Variants in PDE4D observed in about 807,000 individuals in gnomAD.
PDE4D encodes phosphodiesterase 4D.
A neutral mutation model predicts 87.4 loss-of-function variants in PDE4D; 24 were observed. The observed-to-expected ratio is 0.27, with a 90% CI of 0.20 to 0.39. The LOEUF (loss-of-function observed/expected upper bound fraction) is 0.39, where lower values mean the gene tolerates loss of function less well. Among genes scored for constraint, PDE4D ranks in the 10% least tolerant of loss-of-function variants. PDE4D has a pLI of 1.00. For synonymous variants in PDE4D, 384 were observed against 383.2 expected (o/e 1.00, Z -0.02); for missense variants, 714 against 1,041.0 (o/e 0.69, Z 4.32).
chr5:59,437,896 G>C (rs1391013894), intron 1 of PDE4D, among the ~76,000 whole-genome samples: 1 of 152,176 alleles, frequency 6.6e-6, no homozygotes, highest in Non-Finnish European at 1.5e-5. Flanking sequence ...TTGACTCACA[G>C]TTTTGCATGG....
At chr5:59,804,885 A>G (rs1767570079) in intron 1 of PDE4D, among the ~76,000 whole-genome samples, 1 of 152,082 alleles carries the variant, frequency 6.6e-6, no homozygotes. Context: ...TCTGCCTCCC[A>G]GGTTCAAGCG....
At chr5:59,819,890 T>G (rs1193340333) in intron 1 of PDE4D, among the ~76,000 whole-genome samples, 3 of 152,154 alleles carry the variant, frequency 2.0e-5, no homozygotes, top group Admixed American at 2.0e-4. Flanking sequence ...TGAGGCAATT[T>G]CCCTAGAGAC....
In PDE4D at chr5:59,428,338, C is replaced by T. The variant is rs567941665; in HGVS notation, c.456-212370G>A. 9.2e-5 allele frequency among the ~76,000 whole-genome samples: 14 copies of T among 151,708 alleles called. No individual in the cohort carries two copies. The East Asian group carries it at 2.5e-3, about 27-fold the overall frequency. On this transcript the variant is annotated intron_variant, in intron 1 of 14. Transcript: ENST00000340635. ...TTTTTTTATCTTTTATTTTTTGTCC[C>T]GCAATCTCTGCTTCTTTGGGTAGGC... is the stretch of plus-strand genomic sequence containing the variant.
chr5:59,875,460 CAAAAA>C (rs3062667), intron 1 of PDE4D, among the ~76,000 whole-genome samples: 1,662 of 39,402 alleles, frequency 0.042, 2 homozygotes, highest in African/African-American at 0.082. Flanking sequence ...ACCTCCGTCT[CAAAAA>C]AAAAAAAAAA....
intron 1 of PDE4D, among the ~76,000 whole-genome samples, chr5:59,387,997 T>C (rs1440588711): frequency 1.3e-5 from 2 of 152,100 alleles, no homozygotes; most frequent in Non-Finnish European, 2.9e-5. Context: ...TCTGTTTCTA[T>C]GAGTTTGACA....
intron 1 of PDE4D, among the ~76,000 whole-genome samples, chr5:59,308,603 G>T (rs1771898487): frequency 6.6e-6 from 1 of 151,306 alleles, no homozygotes; most frequent in Non-Finnish European, 1.5e-5. Context: ...GAAATCTGCT[G>T]TTAATCTCAC....
intron 5 of PDE4D, among the ~76,000 whole-genome samples, chr5:59,143,449 A>T (rs547344760): frequency 1.3e-5 from 2 of 152,328 alleles, no homozygotes; most frequent in South Asian, 4.1e-4. Context: ...TTGTGGAGTC[A>T]GCCTGACCCA....
intron 1 of PDE4D, among the ~76,000 whole-genome samples, chr5:59,754,761 A>G (rs892782458): frequency 6.7e-6 from 1 of 149,174 alleles, no homozygotes; most frequent in Admixed American, 6.7e-5. Flanking sequence ...AAAACTTGGA[A>G]TCTACCATTG....
At chr5:59,307,929 C>T (rs1360443672) in intron 1 of PDE4D, among the ~76,000 whole-genome samples, 6 of 152,164 alleles carry the variant, frequency 3.9e-5, no homozygotes, top group South Asian at 2.1e-4. Context: ...TATTGCGGCA[C>T]TATTCACAAT....
At chr5:60,107,456 T>G (rs1582691116) in intron 2 of PDE4D, among the ~76,000 whole-genome samples, 1 of 152,210 alleles carries the variant, frequency 6.6e-6, no homozygotes, top group East Asian at 1.9e-4. Context: ...CCATTCCTTC[T>G]GAAACTATTC....
chr5:59,247,294 T>C (rs959118313), intron 1 of PDE4D, among the ~76,000 whole-genome samples: 89 of 152,238 alleles, frequency 5.8e-4, no homozygotes, highest in African/African-American at 2.0e-3. Flanking sequence ...GAAAGACACA[T>C]AGTAAAGTGC....
At chr5:60,442,897 T>G (rs1278982000) in intron 1 of PDE4D, among the ~76,000 whole-genome samples, 1 of 152,136 alleles carries the variant, frequency 6.6e-6, no homozygotes, top group Non-Finnish European at 1.5e-5. Flanking sequence ...GTGGGGCAGA[T>G]GGTAGAGCTT....
At chr5:60,106,570 A>G (rs1410412093) in intron 2 of PDE4D, among the ~76,000 whole-genome samples, 2 of 151,884 alleles carry the variant, frequency 1.3e-5, no homozygotes, top group Admixed American at 1.3e-4. Context: ...TTTCAGCACC[A>G]CACCACACCT....
chr5:60,398,496 T>C (rs1234658151), intron 1 of PDE4D, among the ~76,000 whole-genome samples: 2 of 152,152 alleles, frequency 1.3e-5, no homozygotes, highest in Non-Finnish European at 2.9e-5. Flanking sequence ...GACTAATCCT[T>C]GTCTGAGTTC....
intron 1 of PDE4D, among the ~76,000 whole-genome samples, chr5:59,732,851 GAAT>G (rs1757565174): frequency 6.6e-6 from 1 of 151,976 alleles, no homozygotes; most frequent in Admixed American, 6.6e-5. Flanking sequence ...AGTAAGTTGT[GAAT>G]AATAACCCCA....
intron 1 of PDE4D, among the ~76,000 whole-genome samples, chr5:60,403,073 G>A (rs1181759601): frequency 2.0e-5 from 3 of 152,044 alleles, no homozygotes; most frequent in Non-Finnish European, 2.9e-5. Flanking sequence ...TGAGGTCAAG[G>A]CCCAGGAAAG....
At chr5:59,219,876 G>A (rs1371074673) in intron 1 of PDE4D, among the ~76,000 whole-genome samples, 1 of 152,130 alleles carries the variant, frequency 6.6e-6, no homozygotes, top group African/African-American at 2.4e-5. Flanking sequence ...TGGGGTTGGG[G>A]GTGGAGGCCA....
intron 1 of PDE4D, among the ~76,000 whole-genome samples, chr5:59,817,287 G>A (rs748381200): frequency 6.6e-6 from 1 of 152,160 alleles, no homozygotes; most frequent in African/African-American, 2.4e-5. Context: ...AGGGAGCTCT[G>A]TATTTTTTAT....
intron 2 of PDE4D, among the ~76,000 whole-genome samples, chr5:60,036,307 T>C (rs1767793667): frequency 1.3e-5 from 2 of 152,142 alleles, no homozygotes; most frequent in Admixed American, 6.5e-5. Context: ...CACATAATAG[T>C]GTAAGGACCC....
Sources: gnomAD v4.1 joint callset for allele counts (sites outside exome capture counted in the v4.1 genomes callset) on GRCh38, gnomAD v4.1.1 for gene constraint, MANE v1.5 for transcripts, NCBI Gene and HGNC (gene_info 2026-07-23, HGNC 2026-07-21) for gene names.